Variants in ZC2HC1B observed in about 807,000 individuals in gnomAD.
ZC2HC1B encodes zinc finger C2HC-type containing 1B.
A neutral mutation model predicts 31.0 loss-of-function variants in ZC2HC1B; 36 were observed. The observed-to-expected ratio is 1.16, with a 90% CI of 0.89 to 1.54. The LOEUF is 1.54. Among genes scored for constraint, ZC2HC1B ranks in the 40% most tolerant of loss-of-function variants. ZC2HC1B has a pLI of 0.00. For missense variants in ZC2HC1B, 260 were observed against 268.6 expected (o/e 0.97, Z 0.22); for synonymous variants, 73 against 88.0 (o/e 0.83, Z 0.95).
intron 4 of ZC2HC1B, 44 bp from the exon 5 acceptor site, chr6:143,898,508 T>C (rs1777695951): frequency 6.5e-7 from 1 of 1,545,846 alleles, no homozygotes. Flanking sequence ...TCTATAGTTG[T>C]TTTTGAAGTG....
rs568384943 is a variant in ZC2HC1B at position 143,911,377 on chromosome 6, G to C, written c.598+8225G>C. On this transcript the variant is annotated intron_variant, in intron 6 of 7. Coordinates refer to ENST00000237275, the MANE Select transcript of ZC2HC1B (RefSeq NM_001013623.3). This position sits in a 1 kb window ranked among gnomAD's most constrained non-coding sequence, Gnocchi z 4.5. ...TCTGTGTTTGCTTCATAGTGTCACT[G>C]GTCTGTGTATTTCAGTGTGTTTTTG... 6.6e-6 allele frequency among the ~76,000 whole-genome samples: 1 copy of C among 152,252 alleles called. No homozygotes were observed. The highest frequency in any genetic ancestry group is 2.1e-4 in the South Asian group (1 of 4,818).
At chr6:143,919,805 G>C (rs778428367) in intron 6 of ZC2HC1B, among the ~76,000 whole-genome samples, 1 of 152,158 alleles carries the variant, frequency 6.6e-6, no homozygotes, top group Non-Finnish European at 1.5e-5. Context: ...TCCCCTGGAA[G>C]TTGCAAGTCT....
intron 6 of ZC2HC1B, among the ~76,000 whole-genome samples, chr6:143,920,705 C>T (rs1207037770): frequency 1.3e-5 from 2 of 151,914 alleles, no homozygotes; most frequent in African/African-American, 4.8e-5. Context: ...GTCAGGAGAT[C>T]GAGACCATCC....
intron 1 of ZC2HC1B, 22 bp downstream of exon 1, chr6:143,864,589 AATT>A (rs1413491535): frequency 1.3e-6 from 2 of 1,551,336 alleles, no homozygotes; most frequent in Admixed American, 2.0e-5. Flanking sequence ...TTGATATCTA[AATT>A]ATTAGAAAAT....
At position 143,934,054 on chromosome 6, in the gene ZC2HC1B, T is replaced by A. The variant is rs1458661192; in HGVS notation, c.599-3595T>A. Among the ~76,000 whole-genome samples the A allele has an allele frequency of 6.6e-6, 1 of 152,196 alleles. No individual in the cohort carries two copies. Among genetic ancestry groups the A allele is most frequent in the African/African-American group, 2.4e-5 (1 of 41,454 alleles). ...CTACAAGGCTTGTCCCACTGCTGCT[T>A]CTACTTTTACATTTCACAGCAAATC... On this transcript the variant is annotated intron_variant, in intron 6 of 7. Transcript: ENST00000237275. This position sits in a 1 kb window ranked among gnomAD's most constrained non-coding sequence, Gnocchi z 4.6.
In ZC2HC1B at chr6:143,870,242, A is replaced by G. The variant is rs1777319921; in HGVS notation, c.28+5675A>G. Among the ~76,000 whole-genome samples, 1 of 152,146 alleles carries G rather than the reference A, an allele frequency of 6.6e-6. No homozygotes were observed. The highest frequency in any genetic ancestry group is 1.5e-5 in the Non-Finnish European group (1 of 67,994). On this transcript the variant is annotated intron_variant, in intron 1 of 7. Coordinates refer to ENST00000237275, the MANE Select transcript of ZC2HC1B (RefSeq NM_001013623.3). The surrounding 1 kb of genome is among the most constrained non-coding windows in gnomAD (Gnocchi z 4.7). The stretch of plus-strand genomic sequence containing the variant: ...CTGCCCACTGGGAAAATTTTCCCTC[A>G]CCACTTTCAGGGATGTCCTAGGAAG...
chr6:143,888,158 C>A (rs1332492735), intron 4 of ZC2HC1B, among the ~76,000 whole-genome samples: 1 of 152,072 alleles, frequency 6.6e-6, no homozygotes, highest in Non-Finnish European at 1.5e-5. Flanking sequence ...GTTAAAGAGA[C>A]TTTTCTTCCC....
rs183307214 is a variant in ZC2HC1B, at chr6:143,925,396, C to G, written c.599-12253C>G. Among the ~76,000 whole-genome samples, 780 of 151,630 alleles carry G rather than the reference C, an allele frequency of 5.1e-3. 3 individuals carry two copies. Among genetic ancestry groups the G allele is most frequent in the Admixed American group, 8.7e-3 (133 of 15,228 alleles). On this transcript the variant is annotated intron_variant, in intron 6 of 7. Transcript: ENST00000237275. ...TTCACTTTGTTAGCCAGGATGGTCTCGATCTCCTGACTTCGTGATCCGCCT... is the reference window on the plus strand; with the variant it reads ...TTCACTTTGTTAGCCAGGATGGTCTGGATCTCCTGACTTCGTGATCCGCCT...
In ZC2HC1B at chr6:143,924,716, T is replaced by C. The variant is rs981515035; in HGVS notation, c.599-12933T>C. Among the ~76,000 whole-genome samples, 1 of 152,210 alleles carries C rather than the reference T, an allele frequency of 6.6e-6. No individual in the cohort carries two copies. The highest frequency in any genetic ancestry group is 1.5e-5 in the Non-Finnish European group (1 of 68,024). On this transcript the variant is annotated intron_variant, in intron 6 of 7. Coordinates refer to ENST00000237275, the MANE Select transcript of ZC2HC1B (RefSeq NM_001013623.3). The surrounding 1 kb of genome is among the most constrained non-coding windows in gnomAD (Gnocchi z 5.2). ...CCTAATTTGTTAAGAGTTTTAATCA[T>C]GAAAAGAAGTTGAATTTTATAAAAT...
intron 6 of ZC2HC1B, among the ~76,000 whole-genome samples, chr6:143,914,729 G>T (rs970075361): frequency 6.6e-6 from 1 of 151,976 alleles, no homozygotes; most frequent in South Asian, 2.1e-4. Context: ...ATATTTTGAT[G>T]GTCTGTCAGT....
Position 143,905,632 on chromosome 6 carries a change from T to G in ZC2HC1B, c.598+2480T>G, listed in dbSNP as rs1457637727. Among the ~76,000 whole-genome samples the G allele has an allele frequency of 6.6e-6, 1 of 152,204 alleles. No individual in the cohort carries two copies. Among genetic ancestry groups the G allele is most frequent in the Non-Finnish European group, 1.5e-5 (1 of 68,024 alleles). On this transcript the variant is annotated intron_variant, in intron 6 of 7. Coordinates refer to ENST00000237275, the MANE Select transcript of ZC2HC1B (RefSeq NM_001013623.3). The surrounding 1 kb of genome is among the most constrained non-coding windows in gnomAD (Gnocchi z 4.2). ...GAAAATTAGCACACTTGCATTGTTC[T>G]TGATCTCAGAGGGAAAGTTTTCAGT...
chr6:143,882,973 T>C (rs1465195956), intron 1 of ZC2HC1B, among the ~76,000 whole-genome samples: 1 of 152,186 alleles, frequency 6.6e-6, no homozygotes, highest in African/African-American at 2.4e-5. Context: ...AATCAGGCTG[T>C]TGACTCTTTG....
intron 1 of ZC2HC1B, among the ~76,000 whole-genome samples, chr6:143,877,606 T>G (rs1777424136): frequency 6.6e-6 from 1 of 150,434 alleles, no homozygotes; most frequent in Non-Finnish European, 1.5e-5. Context: ...TTCTAAGAGT[T>G]ATAATTTTCC....
Position 143,884,239 on chromosome 6 carries a change from A to T in ZC2HC1B, c.29-65A>T. The T allele has an allele frequency of 7.0e-7, 1 of 1,424,750 alleles. No individual in the cohort carries two copies. Among genetic ancestry groups the T allele is most frequent in the Non-Finnish European group, 9.6e-7 (1 of 1,046,446 alleles). 88.3% of individuals were successfully genotyped at this position (1,424,750 alleles called of 1,614,324 possible). ...CAAGCTATTGAGGTCACCTCCAGTC[A>T]GTCATTTCTTCTCAGCGAGGAAATT... On this transcript the variant is annotated intron_variant, in intron 1 of 7. Coordinates refer to ENST00000237275, the MANE Select transcript of ZC2HC1B (RefSeq NM_001013623.3). The surrounding 1 kb of genome is among the most constrained non-coding windows in gnomAD (Gnocchi z 5.1).
At chr6:143,932,903 T>C (rs182084613) in intron 6 of ZC2HC1B, among the ~76,000 whole-genome samples, 2 of 152,160 alleles carry the variant, frequency 1.3e-5, no homozygotes, top group Admixed American at 1.3e-4. Flanking sequence ...TTGTGGTGAT[T>C]GTTCTTGCTA....
intron 6 of ZC2HC1B, among the ~76,000 whole-genome samples, chr6:143,919,865 C>T (rs1032562696): frequency 1.3e-5 from 2 of 152,138 alleles, no homozygotes; most frequent in Non-Finnish European, 1.5e-5. Flanking sequence ...ATTGTGCCAG[C>T]GCAATTGTTA....
intron 6 of ZC2HC1B, among the ~76,000 whole-genome samples, chr6:143,935,800 A>G (rs2128498193): frequency 6.6e-6 from 1 of 151,796 alleles, no homozygotes; most frequent in African/African-American, 2.4e-5. Flanking sequence ...GATGACAGGC[A>G]TGTACCACCA....
intron 5 of ZC2HC1B, among the ~76,000 whole-genome samples, chr6:143,902,361 T>C (rs1777747334): frequency 6.6e-6 from 1 of 152,204 alleles, no homozygotes; most frequent in Admixed American, 6.5e-5. Context: ...TATAGGCCTC[T>C]AAAAATAGCT....
intron 6 of ZC2HC1B, among the ~76,000 whole-genome samples, chr6:143,910,030 G>A (rs1010168279): frequency 9.2e-5 from 14 of 152,038 alleles, no homozygotes; most frequent in African/African-American, 1.4e-4. Context: ...CTAGCTTTTC[G>A]ATGTGGGCAT....
Sources: gnomAD v4.1 joint callset for allele counts (sites outside exome capture counted in the v4.1 genomes callset) on GRCh38, gnomAD v4.1.1 for gene constraint, Gnocchi (gnomAD v3.1) non-coding constraint, MANE v1.5 for transcripts, NCBI Gene and HGNC (gene_info 2026-07-23, HGNC 2026-07-21) for gene names.